SPON1: variants seen among roughly 807,000 people sequenced by gnomAD.
The protein encoded by SPON1 is spondin 1.
In SPON1, 52 loss-of-function variants were observed where a neutral mutation model predicts 111.7. That is an observed-to-expected ratio of 0.47 (90% confidence interval 0.37 to 0.59). The LOEUF is 0.59. SPON1 is among the 20% of genes least tolerant of loss of function. The pLI is 0.00. For synonymous variants in SPON1, 410 were observed against 395.8 expected, an observed-to-expected ratio of 1.04 and a Z score of -0.43; for missense variants, 957 against 1,068.5, an observed-to-expected ratio of 0.90 and a Z score of 1.46.
At chr11:14,038,892 C>T (rs1225875952) in intron 2 of SPON1, among the ~76,000 whole-genome samples, 4 of 152,216 alleles carry the variant, frequency 2.6e-5, no homozygotes, top group Non-Finnish European at 5.9e-5. Flanking sequence ...CAAAAACCTG[C>T]ACATGGACGT....
chr11:14,075,412 G>A lies in SPON1; in HGVS notation c.547G>A (p.Glu183Lys). The A allele has an allele frequency of 6.4e-7, 1 of 1,556,182 alleles. No homozygotes were observed. Among genetic ancestry groups the A allele is most frequent in the Non-Finnish European group, 8.7e-7 (1 of 1,148,820 alleles). Reference protein sequence around the residue: ...DEGSLTKKLCEQDSTFDGVTD... With the variant: ...DEGSLTKKLCKQDSTFDGVTD... The stretch of plus-strand genomic sequence containing the variant: ...GGGCTCTCTGACCAAGAAACTTTGT[G>A]AACAAGGTAAGACCCTGTGGGTGGG... The change falls in exon 4 of 16, where the codon GAA (glutamate) becomes AAA (lysine). Residue 183 changes from glutamate (E) to lysine (K), a missense_variant. By Grantham distance (56) the Glu-to-Lys change is moderately conservative. Coordinates refer to ENST00000576479, the MANE Select transcript of SPON1 (RefSeq NM_006108.4).
At chr11:14,234,595 A>G (rs1045003380) in intron 6 of SPON1, among the ~76,000 whole-genome samples, 2 of 152,240 alleles carry the variant, frequency 1.3e-5, no homozygotes, top group Admixed American at 6.5e-5. Context: ...GCCAGCACAC[A>G]GAAGGTCATA....
At chr11:14,009,005 C>T (rs901503738) in intron 2 of SPON1, among the ~76,000 whole-genome samples, 8 of 152,162 alleles carry the variant, frequency 5.3e-5, no homozygotes, top group African/African-American at 1.7e-4. Flanking sequence ...TACTCCTGGA[C>T]GACCATAGTA....
intron 1 of SPON1, among the ~76,000 whole-genome samples, chr11:13,976,640 A>T (rs2697842): frequency 0.089 from 13,575 of 152,270 alleles, 2,022 homozygotes; most frequent in African/African-American, 0.31. Flanking sequence ...CACACTGAGC[A>T]GATGTACAAA....
chr11:14,062,755 A>C (rs1848800945), intron 3 of SPON1, among the ~76,000 whole-genome samples: 1 of 152,234 alleles, frequency 6.6e-6, no homozygotes, highest in Non-Finnish European at 1.5e-5. Context: ...TTTATAATAG[A>C]AACATCCTTC....
chr11:14,261,044 C>G (rs1202599205), intron 14 of SPON1, among the ~76,000 whole-genome samples: 1 of 152,098 alleles, frequency 6.6e-6, no homozygotes, highest in Non-Finnish European at 1.5e-5. Context: ...AGTTCTTTCC[C>G]TCCTCTCCCC....
At chr11:14,238,248 G>A (rs570944049) in intron 6 of SPON1, among the ~76,000 whole-genome samples, 2 of 152,210 alleles carry the variant, frequency 1.3e-5, no homozygotes, top group Admixed American at 6.5e-5. Context: ...CTGTGGGGAG[G>A]AGAGATGGTA....
chr11:14,210,497 C>G (rs1419595699), intron 6 of SPON1, among the ~76,000 whole-genome samples: 8 of 151,896 alleles, frequency 5.3e-5, no homozygotes, highest in African/African-American at 1.9e-4. Context: ...CACCCGGGTT[C>G]AAGCGATTCT....
In SPON1 at chr11:13,966,162, T is replaced by C. The variant is rs371849281; in HGVS notation, c.238+3020T>C. Among the ~76,000 whole-genome samples, 26 of 152,294 alleles carry C rather than the reference T, an allele frequency of 1.7e-4. No individual in the cohort carries two copies. In the East Asian group the frequency reaches 4.6e-3, roughly 27 times the overall value. ...TAGTATTATATTGATTTCCTTTTCT[T>C]TCCCACCACTTCTCTCTACTCTCCC... On this transcript the variant is annotated intron_variant, in intron 1 of 15. Transcript: ENST00000576479.
intron 6 of SPON1, among the ~76,000 whole-genome samples, chr11:14,199,855 C>T (rs1457178209): frequency 1.3e-5 from 2 of 152,224 alleles, no homozygotes; most frequent in Admixed American, 6.5e-5. Flanking sequence ...AGCTCAAGTT[C>T]CTTGGCCTTG....
chr11:14,133,456 C>T (rs6486169), intron 5 of SPON1, among the ~76,000 whole-genome samples: 60,453 of 152,000 alleles, frequency 0.4, 12,230 homozygotes, highest in East Asian at 0.51. Flanking sequence ...TCTTGAGTAA[C>T]TTCTGAGTAT....
intron 3 of SPON1, among the ~76,000 whole-genome samples, chr11:14,048,529 A>G (rs1339120884): frequency 6.6e-6 from 1 of 152,202 alleles, no homozygotes; most frequent in Non-Finnish European, 1.5e-5. Context: ...TTTGGCACAA[A>G]CCTGACACCA....
chr11:14,080,969 C>A (rs1848957654), intron 5 of SPON1, among the ~76,000 whole-genome samples: 1 of 152,046 alleles, frequency 6.6e-6, no homozygotes, highest in Non-Finnish European at 1.5e-5. Flanking sequence ...GCCTGTAGTC[C>A]TAGCTACTCA....
At chr11:14,192,757 G>A (rs995064306) in intron 6 of SPON1, among the ~76,000 whole-genome samples, 6 of 148,300 alleles carry the variant, frequency 4.0e-5, no homozygotes, top group Non-Finnish European at 7.4e-5. Flanking sequence ...AGGATGCAAC[G>A]TCTGGAAAGA....
chr11:14,022,587 C>T (rs12787757), intron 2 of SPON1, among the ~76,000 whole-genome samples: 45,165 of 152,068 alleles, frequency 0.3, 7,912 homozygotes, highest in South Asian at 0.5. Context: ...TCTGTTTCCT[C>T]CTCTATAAAA....
chr11:14,196,523 A>G (rs1848404207), intron 6 of SPON1, among the ~76,000 whole-genome samples: 1 of 152,242 alleles, frequency 6.6e-6, no homozygotes, highest in African/African-American at 2.4e-5. Flanking sequence ...TGCTCAGTAA[A>G]CATTTGTAGA....
At chr11:14,116,987 T>C (rs1849271643) in intron 5 of SPON1, among the ~76,000 whole-genome samples, 1 of 152,210 alleles carries the variant, frequency 6.6e-6, no homozygotes, top group Non-Finnish European at 1.5e-5. Flanking sequence ...TAATAACTTT[T>C]TAAAATTTCA....
intron 3 of SPON1, among the ~76,000 whole-genome samples, chr11:14,066,665 T>C (rs537103714): frequency 2.6e-5 from 4 of 152,174 alleles, no homozygotes; most frequent in Admixed American, 6.5e-5. Context: ...GTATTTCCCT[T>C]GCTTGTGTTT....
chr11:14,102,889 G>A (rs553513461), intron 5 of SPON1, among the ~76,000 whole-genome samples: 7 of 152,056 alleles, frequency 4.6e-5, no homozygotes, highest in African/African-American at 1.2e-4. Flanking sequence ...ACATGCTCCC[G>A]ATCTTTGAGA....
Sources: allele counts gnomAD v4.1 joint callset (sites outside exome capture counted in the v4.1 genomes callset), GRCh38; gene constraint gnomAD v4.1.1; transcripts MANE v1.5; gene names NCBI Gene and HGNC (gene_info 2026-07-23, HGNC 2026-07-21).